The following RGPD4 variants were observed in gnomAD, a reference collection of about 807,000 sequenced individuals.
RGPD4 encodes ranBP2-like and GRIP domain-containing protein 4.
In RGPD4, 84 loss-of-function variants were observed where a neutral mutation model predicts 141.1. The observed-to-expected ratio is 0.60, with a 90% confidence interval of 0.50 to 0.71. The LOEUF (loss-of-function observed/expected upper bound fraction) is 0.71, where lower values mean the gene tolerates loss of function less well. Ranked by LOEUF, RGPD4 falls within the 30% of genes least tolerant of loss-of-function variation. The probability of loss-of-function intolerance (pLI) is 0.00; values close to 1 mark genes in which losing one functional copy is unlikely to be tolerated. For synonymous variants in RGPD4, 298 were observed against 566.8 expected (o/e 0.53, Z 6.74); for missense variants, 918 against 1,622.4 (o/e 0.57, Z 7.46).
chr2:107,863,549 G>A (rs1410652920), intron 17 of RGPD4, among the ~76,000 whole-genome samples: 9 of 150,948 alleles, frequency 6.0e-5, no homozygotes, highest in Non-Finnish European at 1.2e-4. Context: ...CTGGAGTGCA[G>A]TGGTGCAATC....
Position 107,854,570 on chromosome 2 carries a change from GATTAA to G in RGPD4, c.999_1003del (p.Lys333AsnfsTer4). 6.6e-7 allele frequency: 1 copy of G among 1,505,986 alleles called. No homozygotes were observed. Among genetic ancestry groups the G allele is most frequent in the South Asian group, 1.2e-5 (1 of 80,384 alleles). The allele number at this position is 1,505,986 out of a possible 1,614,324, so 93.3% of individuals were successfully genotyped here. A position where few individuals can be genotyped will look rare whatever the true frequency, so the allele number is the denominator to read the frequency against. On this transcript the variant is annotated frameshift_variant, in exon 8 of 23. Coordinates refer to ENST00000408999, the MANE Select transcript of RGPD4 (RefSeq NM_182588.3). LOFTEE classifies it high-confidence loss of function. Reference sequence around the variant, plus strand: ...AAAATTATTAGGTTCCAAGACCAAAGATTAAATTAATAAAAGGTGAAGCTGGACAA... The same window carrying G: ...AAAATTATTAGGTTCCAAGACCAAAGATTAATAAAAGGTGAAGCTGGACAA...
At position 107,827,026 on chromosome 2, in the gene RGPD4, A is replaced by G. The variant is rs768046190; in HGVS notation, c.13A>G (p.Lys5Glu). Residue 5 changes from lysine to glutamate, a missense_variant, in exon 1 of 23, where the codon AAG becomes GAG. Physicochemically the swap from Lys to Glu is moderately conservative, Grantham distance 56. Transcript: ENST00000408999. ...GGTTGGTGGCGCGATGAGTTGCAGC[A>G]AGGCCTACGGGGAGCGGTACGTCGC... MSCS[K>E]AYGERYVASV... 1.3e-6 allele frequency: 2 copies of G among 1,599,920 alleles called. No individual in the cohort carries two copies. Among genetic ancestry groups the G allele is most frequent in the Non-Finnish European group, 1.7e-6 (2 of 1,174,742 alleles).
intron 17 of RGPD4, among the ~76,000 whole-genome samples, chr2:107,865,663 A>G (rs1461686177): frequency 8.5e-5 from 13 of 152,108 alleles, no homozygotes; most frequent in South Asian, 2.1e-4. Flanking sequence ...TAATGAATTA[A>G]GTTTTGTATT....
chr2:107,872,680 C>T lies in RGPD4; in HGVS notation c.4676C>T (p.Ala1559Val), dbSNP rs1200441103. The T allele has an allele frequency of 8.1e-6, 13 of 1,611,068 alleles. No individual in the cohort carries two copies. Among genetic ancestry groups the T allele is most frequent in the African/African-American group, 2.7e-5 (2 of 74,202 alleles). ...AGTAGTGAAAAATCAAAACCATTTGCATTTGGCAACAGTTCTGCCACTGGG... is the reference window on the plus strand; with the variant it reads ...AGTAGTGAAAAATCAAAACCATTTGTATTTGGCAACAGTTCTGCCACTGGG... ...IFSSEKSKPF[A>V]FGNSSATGSL... The change falls in exon 20 of 23, where the codon GCA (alanine) becomes GTA (valine). Residue 1559 changes from alanine to valine, a missense_variant. By Grantham distance (64) the Ala-to-Val change is moderately conservative (BLOSUM62 0). Transcript: ENST00000408999.
At chr2:107,869,749 A>T (rs1327562152) in intron 18 of RGPD4, 134 bp from the exon 19 acceptor site, 7 of 603,356 alleles carry the variant, frequency 1.2e-5, no homozygotes, top group Non-Finnish European at 1.7e-5. Context: ...TTTGATGTAC[A>T]GAAATTTAAA....
At position 107,840,916 on chromosome 2, in the gene RGPD4, C is replaced by A. The variant is rs1473516975; in HGVS notation, c.405+1952C>A. Reference sequence around the variant, plus strand: ...ACAGGTGTGAGCCACTGTGCCCAGCCTTAACCATTCACTTTTGAGGGGCAT... The same window carrying A: ...ACAGGTGTGAGCCACTGTGCCCAGCATTAACCATTCACTTTTGAGGGGCAT... On this transcript the variant is annotated intron_variant, in intron 4 of 22. Coordinates refer to ENST00000408999, the MANE Select transcript of RGPD4 (RefSeq NM_182588.3). Among the ~76,000 whole-genome samples the A allele has an allele frequency of 1.6e-4, 11 of 69,068 alleles. 1 individual carries two copies. The East Asian group carries it at 2.7e-3, about 17-fold the overall frequency. 45.3% of individuals were successfully genotyped at this position (69,068 alleles called of 152,430 possible).
At chr2:107,827,481 C>G (rs1473896739) in intron 1 of RGPD4, among the ~76,000 whole-genome samples, 1 of 37,052 alleles carries the variant, frequency 2.7e-5, no homozygotes, top group Admixed American at 1.8e-4. Flanking sequence ...CCCTGGCGCG[C>G]TCTGTTGAGG....
In RGPD4 at chr2:107,826,903, C is replaced by T. The variant is rs1455026893; in HGVS notation, c.-111C>T. 1 of 1,543,440 alleles carries T rather than the reference C, an allele frequency of 6.5e-7. No individual in the cohort carries two copies. The highest frequency in any genetic ancestry group is 8.7e-7 in the Non-Finnish European group (1 of 1,143,754). On this transcript the variant is annotated 5_prime_UTR_variant, in exon 1 of 23. Coordinates refer to ENST00000408999, the MANE Select transcript of RGPD4 (RefSeq NM_182588.3). ...GACACAAGTTCGTCACAGTGGTCCT[C>T]CGCCGGCTACGCGGAGTCAGTGGCT...
At chr2:107,874,238 G>A (rs1683025360) in intron 20 of RGPD4, among the ~76,000 whole-genome samples, 1 of 151,456 alleles carries the variant, frequency 6.6e-6, no homozygotes, top group African/African-American at 2.4e-5. Flanking sequence ...GAGTGTCCCT[G>A]TAGGGCTGTT....
rs542055326 is a variant in RGPD4, at chr2:107,891,932, T to C, written c.*1201T>C. On this transcript the variant is annotated 3_prime_UTR_variant, in exon 23 of 23. Coordinates refer to ENST00000408999, the MANE Select transcript of RGPD4 (RefSeq NM_182588.3). ...TACTTGCCTTTGACACCTCTGCATA[T>C]GTTTTAATGACTAGATCCAAACTGT... Among the ~76,000 whole-genome samples, 2 of 111,850 alleles carry C rather than the reference T, an allele frequency of 1.8e-5. No individual in the cohort carries two copies. Among genetic ancestry groups the C allele is most frequent in the East Asian group, 4.0e-4 (2 of 5,044 alleles). The allele number at this position is 111,850 out of a possible 152,430, so 73.4% of individuals were successfully genotyped here. A position where few individuals can be genotyped will look rare whatever the true frequency, so the allele number is the denominator to read the frequency against.
Position 107,890,832 on chromosome 2 carries a change from T to C in RGPD4, c.*101T>C. The C allele has an allele frequency of 3.3e-6, 5 of 1,524,816 alleles. No homozygotes were observed. The highest frequency in any genetic ancestry group is 1.2e-5 in the South Asian group (1 of 84,090). The allele number at this position is 1,524,816 out of a possible 1,614,324, so 94.5% of individuals were successfully genotyped here. On this transcript the variant is annotated 3_prime_UTR_variant, in exon 23 of 23. Coordinates refer to ENST00000408999, the MANE Select transcript of RGPD4 (RefSeq NM_182588.3). ...ATTTTTATTAACCAAATAAAATCTA[T>C]TTACAAAAATGGTTCATGTGTATTA...
intron 21 of RGPD4, among the ~76,000 whole-genome samples, 181 bp downstream of exon 21, chr2:107,880,288 C>A (rs1675320998): frequency 4.2e-5 from 2 of 47,700 alleles, no homozygotes; most frequent in South Asian, 1.8e-3. Flanking sequence ...TTTTTTGAGA[C>A]AGTCTTGCTT....
chr2:107,883,319 A>C, intron 22 of RGPD4: 1 of 338,948 alleles, frequency 3.0e-6, no homozygotes, highest in Non-Finnish European at 5.9e-6. Flanking sequence ...TCCACTTTCT[A>C]GGCAAATGCA....
chr2:107,828,249 G>A (rs1339793403), intron 1 of RGPD4, among the ~76,000 whole-genome samples: 10 of 30,032 alleles, frequency 3.3e-4, no homozygotes, highest in African/African-American at 2.2e-3. Context: ...CCCGGCGGCG[G>A]CCTCGATGGC....
At chr2:107,831,594 G>C (rs1360259317) in intron 1 of RGPD4, among the ~76,000 whole-genome samples, 6 of 9,600 alleles carry the variant, frequency 6.3e-4, no homozygotes, top group Non-Finnish European at 1.4e-3. Flanking sequence ...TTTTTTTTTT[G>C]AGACGGAGTC....
At chr2:107,834,584 C>T (rs1681607357) in intron 1 of RGPD4, among the ~76,000 whole-genome samples, 1 of 152,082 alleles carries the variant, frequency 6.6e-6, no homozygotes, top group African/African-American at 2.4e-5. Flanking sequence ...TGGAGTATTG[C>T]AGTGCTTGTG....
At chr2:107,827,523 C>A (rs1407309480) in intron 1 of RGPD4, among the ~76,000 whole-genome samples, 2 of 40,328 alleles carry the variant, frequency 5.0e-5, no homozygotes, top group Non-Finnish European at 9.9e-5. Flanking sequence ...GTGGCGGCCT[C>A]GATGGCTCAG....
rs368237896 is a variant in RGPD4, at chr2:107,829,952, C to T, written c.72+2867C>T. ...CCTGGAGGAACCCAGTGGGGACTGA[C>T]GCAGCTCCGGGTGAGCTTTGGCGGC... On this transcript the variant is annotated intron_variant, in intron 1 of 22. Transcript: ENST00000408999. 4.6e-5 allele frequency among the ~76,000 whole-genome samples: 7 copies of T among 152,082 alleles called. No homozygotes were observed. In the South Asian group the frequency reaches 1.0e-3, roughly 23 times the overall value.
chr2:107,885,130 G>A (rs1288043351), intron 22 of RGPD4, among the ~76,000 whole-genome samples: 2 of 151,816 alleles, frequency 1.3e-5, no homozygotes, highest in African/African-American at 2.4e-5. Flanking sequence ...TATATTTTTA[G>A]TAGTTATTCA....
Sources: gnomAD v4.1 joint callset for allele counts (sites outside exome capture counted in the v4.1 genomes callset) on GRCh38, gnomAD v4.1.1 for gene constraint, MANE v1.5 for transcripts, NCBI Gene and HGNC (gene_info 2026-07-23, HGNC 2026-07-21) for gene names.